AKAP19: variants seen among roughly 807,000 people sequenced by gnomAD.
AKAP19 encodes the protein small A-kinase anchoring protein.
chr2:189,980,451 C>A, the AKAP19 span, among the ~76,000 whole-genome samples: 3 of 152,168 alleles, frequency 2.0e-5, no homozygotes, highest in Non-Finnish European at 4.4e-5. Flanking sequence ...TCTCATGCCT[C>A]AGCCTTCCGA....
the AKAP19 span, among the ~76,000 whole-genome samples, chr2:189,901,140 GA>G: frequency 2.8e-3 from 420 of 150,348 alleles, 5 homozygotes; most frequent in African/African-American, 9.7e-3. Flanking sequence ...ACTATATTCT[GA>G]AAAAAAAATT....
chr2:189,906,740 A>T, the AKAP19 span, among the ~76,000 whole-genome samples: 1 of 152,140 alleles, frequency 6.6e-6, no homozygotes, highest in East Asian at 1.9e-4. Flanking sequence ...AGTTGTTATA[A>T]TATGTCTAAC....
chr2:190,128,427 C>G, the AKAP19 span, among the ~76,000 whole-genome samples: 1 of 152,198 alleles, frequency 6.6e-6, no homozygotes, highest in Admixed American at 6.5e-5. Flanking sequence ...CAGCCAAACT[C>G]TACCCAGCTA....
chr2:190,038,896 CT>C, the AKAP19 span, among the ~76,000 whole-genome samples: 236 of 35,050 alleles, frequency 6.7e-3, no homozygotes, highest in Middle Eastern at 0.028. Flanking sequence ...TTCTTTCTTT[CT>C]TTCTTTCTTC....
the AKAP19 span, among the ~76,000 whole-genome samples, chr2:190,139,069 C>T: frequency 1.3e-5 from 2 of 152,308 alleles, no homozygotes; most frequent in South Asian, 2.1e-4. Context: ...TTCCTACTCT[C>T]ATGAAGCTTG....
chr2:190,069,565 A>G, the AKAP19 span, among the ~76,000 whole-genome samples: 1 of 152,176 alleles, frequency 6.6e-6, no homozygotes, highest in Non-Finnish European at 1.5e-5. Context: ...TAATAGCCTT[A>G]GAAAAATTTA....
chr2:190,156,252 C>T, the AKAP19 span, among the ~76,000 whole-genome samples: 1 of 151,902 alleles, frequency 6.6e-6, no homozygotes, highest in Non-Finnish European at 1.5e-5. Flanking sequence ...AGTGCTGATC[C>T]AACATCCTAT....
chr2:189,905,954 GTGAA>G, the AKAP19 span, among the ~76,000 whole-genome samples: 1 of 152,076 alleles, frequency 6.6e-6, no homozygotes, highest in African/African-American at 2.4e-5. Flanking sequence ...GGGTGAAAGA[GTGAA>G]TGGCACAGTT....
the AKAP19 span, among the ~76,000 whole-genome samples, chr2:189,909,267 C>T: frequency 6.6e-6 from 1 of 151,246 alleles, no homozygotes. Context: ...GAGCAAGTCT[C>T]TTGTAGGCAG....
chr2:190,126,931 T>G, the AKAP19 span, among the ~76,000 whole-genome samples: 1 of 152,108 alleles, frequency 6.6e-6, no homozygotes, highest in African/African-American at 2.4e-5. Context: ...AAGTTTCTGA[T>G]GTACTTGGCT....
the AKAP19 span, among the ~76,000 whole-genome samples, chr2:190,097,469 A>G: frequency 6.6e-6 from 1 of 152,250 alleles, no homozygotes; most frequent in African/African-American, 2.4e-5. Flanking sequence ...AGTTTGCCAC[A>G]TAGATTGACT....
chr2:190,110,175 C>T, the AKAP19 span, among the ~76,000 whole-genome samples: 1 of 152,176 alleles, frequency 6.6e-6, no homozygotes, highest in African/African-American at 2.4e-5. Context: ...GTCTGGATTA[C>T]TCAGTGAAAC....
chr2:190,009,357 A>T, the AKAP19 span, among the ~76,000 whole-genome samples: 4 of 152,204 alleles, frequency 2.6e-5, no homozygotes, highest in Non-Finnish European at 5.9e-5. Context: ...CTCATACTGA[A>T]GCCACATAAG....
At chr2:190,100,371 T>A in the AKAP19 span, among the ~76,000 whole-genome samples, 1 of 152,228 alleles carries the variant, frequency 6.6e-6, no homozygotes, top group African/African-American at 2.4e-5. Context: ...TGTTGCTGTT[T>A]TGGTTTGGTT....
chr2:189,966,527 G>C, the AKAP19 span, among the ~76,000 whole-genome samples: 3 of 152,188 alleles, frequency 2.0e-5, no homozygotes, highest in Non-Finnish European at 4.4e-5. Flanking sequence ...CCAGGAGTTT[G>C]GGATGGGAAG....
chr2:190,081,817 A>C, the AKAP19 span, among the ~76,000 whole-genome samples: 1 of 152,130 alleles, frequency 6.6e-6, no homozygotes, highest in Admixed American at 6.5e-5. Flanking sequence ...ATAGTAGGTA[A>C]AAATAAAAAT....
At chr2:189,969,700 G>C in the AKAP19 span, among the ~76,000 whole-genome samples, 13 of 124,954 alleles carry the variant, frequency 1.0e-4, no homozygotes, top group African/African-American at 3.1e-4. Context: ...CTGCACTCCA[G>C]ACTGGGCGAC....
chr2:189,889,922 C>G, the AKAP19 span, among the ~76,000 whole-genome samples: 8 of 152,108 alleles, frequency 5.3e-5, no homozygotes, highest in African/African-American at 1.9e-4. Context: ...GTCTCTATCT[C>G]CTTCAGTTCT....
the AKAP19 span, chr2:189,924,304 C>T: frequency 2.0e-6 from 2 of 986,194 alleles, no homozygotes; most frequent in South Asian, 1.4e-5. Flanking sequence ...ATCCTCTCCC[C>T]TAGTATCTTC....
Sources: gnomAD v4.1 joint callset for allele counts (sites outside exome capture counted in the v4.1 genomes callset) on GRCh38, gnomAD v4.1.1 for gene constraint, MANE v1.5 for transcripts, NCBI Gene and HGNC (gene_info 2026-07-23, HGNC 2026-07-21) for gene names.